The following DNM1 variants were observed in gnomAD, a reference collection of about 807,000 sequenced individuals.
The protein encoded by DNM1 is dynamin 1.
Under a neutral mutation model 104.6 loss-of-function variants are expected in DNM1, and 29 were observed. The observed-to-expected ratio is 0.28, with a 90% CI of 0.21 to 0.38. DNM1 has a LOEUF of 0.38. DNM1 is among the 10% of genes least tolerant of loss of function. DNM1 has a pLI of 1.00. For missense variants in DNM1, 640 were observed against 1,189.4 expected (o/e 0.54, Z 6.79); for synonymous variants, 445 against 475.8 (o/e 0.94, Z 0.84).
Position 128,220,735 on chromosome 9 carries a change from G to A in DNM1, c.849+394G>A, listed in dbSNP as rs1374942285. On this transcript the variant is annotated intron_variant, in intron 6 of 21. Coordinates refer to ENST00000372923, the MANE Select transcript of DNM1 (RefSeq NM_004408.4). This position sits in a 1 kb window ranked among gnomAD's most constrained non-coding sequence, Gnocchi z 5.2. ...GGGCATCCAGAACTGAAGTGCGCGCGCGCGCGCGTGTGTGTGTGTGTGTGT... is the reference window on the plus strand; with the variant it reads ...GGGCATCCAGAACTGAAGTGCGCGCACGCGCGCGTGTGTGTGTGTGTGTGT... Among the ~76,000 whole-genome samples, 1 of 140,858 alleles carries A rather than the reference G, an allele frequency of 7.1e-6. No individual in the cohort carries two copies. The highest frequency in any genetic ancestry group is 2.2e-4 in the East Asian group (1 of 4,450). The allele number at this position is 140,858 out of a possible 152,430, so 92.4% of individuals were successfully genotyped here. A position where few individuals can be genotyped will look rare whatever the true frequency, so the allele number is the denominator to read the frequency against.
At chr9:128,206,924 G>A (rs1834004839) in intron 1 of DNM1, among the ~76,000 whole-genome samples, 1 of 152,102 alleles carries the variant, frequency 6.6e-6, no homozygotes, top group Non-Finnish European at 1.5e-5. Context: ...GGAGACTGGT[G>A]GGGAGGCTGC....
At chr9:128,236,363 A>C (rs1419378667) in intron 11 of DNM1, among the ~76,000 whole-genome samples, 2 of 152,122 alleles carry the variant, frequency 1.3e-5, no homozygotes, top group Admixed American at 6.6e-5. Flanking sequence ...TCTCTCCATG[A>C]TGCTGCCATC....
intron 10 of DNM1, among the ~76,000 whole-genome samples, chr9:128,231,125 G>GA (rs1327834764): frequency 7.1e-6 from 1 of 140,806 alleles, no homozygotes; most frequent in Non-Finnish European, 1.5e-5. Context: ...TTTATGAGCA[G>GA]AAAAAACTGA....
chr9:128,234,120 G>A lies in DNM1; in HGVS notation c.1422+13G>A, dbSNP rs1261675748. On this transcript the variant is annotated intron_variant, in intron 11 of 21. Transcript: ENST00000372923. ...CACTAAGGAGCAGGTGAGCCCCGCAGCACCCGGCCTGGCCGCGCCTTCCTT... is the reference window on the plus strand; with the variant it reads ...CACTAAGGAGCAGGTGAGCCCCGCAACACCCGGCCTGGCCGCGCCTTCCTT... 10 of 1,523,270 alleles carry A rather than the reference G, an allele frequency of 6.6e-6. No individual in the cohort carries two copies. The highest frequency in any genetic ancestry group is 1.4e-5 in the African/African-American group (1 of 72,234). The allele number at this position is 1,523,270 out of a possible 1,614,324, so 94.4% of individuals were successfully genotyped here.
intron 19 of DNM1, among the ~76,000 whole-genome samples, chr9:128,249,364 T>C (rs1349374382): frequency 6.6e-6 from 1 of 150,614 alleles, no homozygotes; most frequent in Non-Finnish European, 1.5e-5. Flanking sequence ...TTTTAAAGAA[T>C]AGCGGGGGTT....
intron 15 of DNM1, chr9:128,244,869 T>C: frequency 2.0e-6 from 1 of 497,938 alleles, no homozygotes; most frequent in Non-Finnish European, 4.2e-6. Flanking sequence ...CGGTGGGCGC[T>C]TCAGCCCCAT....
intron 10 of DNM1, among the ~76,000 whole-genome samples, chr9:128,225,370 A>T (rs1260770964): frequency 6.6e-6 from 1 of 152,168 alleles, no homozygotes; most frequent in Non-Finnish European, 1.5e-5. Flanking sequence ...GGACTAGAGC[A>T]GGGAGCTGGA....
rs1295310402 is a variant in DNM1, at chr9:128,250,707, G to T, written c.2319-18G>T. 2.1e-6 allele frequency: 3 copies of T among 1,458,198 alleles called. No individual in the cohort carries two copies. Among genetic ancestry groups the T allele is most frequent in the African/African-American group, 1.5e-5 (1 of 67,684 alleles). The allele number at this position is 1,458,198 out of a possible 1,614,324, so 90.3% of individuals were successfully genotyped here. On this transcript the variant is annotated intron_variant, in intron 20 of 21. Coordinates refer to ENST00000372923, the MANE Select transcript of DNM1 (RefSeq NM_004408.4). Reference sequence around the variant, plus strand: ...CTCATCTCGCCTCTCCTTGTTCCTCGCTCCCTGTCGCCCTCAGGTCGCCCA... The same window carrying T: ...CTCATCTCGCCTCTCCTTGTTCCTCTCTCCCTGTCGCCCTCAGGTCGCCCA...
intron 15 of DNM1, among the ~76,000 whole-genome samples, chr9:128,242,832 G>A (rs1447912402): frequency 6.6e-6 from 1 of 152,180 alleles, no homozygotes; most frequent in Admixed American, 6.5e-5. Context: ...TTCAGGGGGA[G>A]GCACCCTCTC....
At chr9:128,232,895 C>T (rs1265657603) in intron 10 of DNM1, among the ~76,000 whole-genome samples, 1 of 152,260 alleles carries the variant, frequency 6.6e-6, no homozygotes, top group African/African-American at 2.4e-5. Context: ...AACACGCCCT[C>T]TTCCAGCACT....
Position 128,254,957 on chromosome 9 carries a change from T to C in DNM1, c.*243T>C. On this transcript the variant is annotated 3_prime_UTR_variant, in exon 22 of 22. Transcript: ENST00000372923. The surrounding 1 kb of genome is among the most constrained non-coding windows in gnomAD (Gnocchi z 6.1). ...ACTCATATATATACACACCTACACA[T>C]GGCCAACCGCCTCGCCTCTAGCGCT... 2.4e-6 allele frequency: 1 copy of C among 421,294 alleles called. No homozygotes were observed. The highest frequency in any genetic ancestry group is 4.2e-6 in the Non-Finnish European group (1 of 238,518). The allele number at this position is 421,294 out of a possible 1,614,324, so 26.1% of individuals were successfully genotyped here. A position where few individuals can be genotyped will look rare whatever the true frequency, so the allele number is the denominator to read the frequency against.
Position 128,246,470 on chromosome 9 carries a change from A to G in DNM1, c.1748A>G (p.Lys583Arg), listed in dbSNP as rs1836819731. ...GTGGAGAAGGGCTTTATGTCGAGCA[A>G]GCATATCTTTGCCCTCTTTAACACG... The part of the protein sequence containing the change: ...RDVEKGFMSS[K>R]HIFALFNTEQ... Residue 583 changes from lysine to arginine, a missense_variant, in exon 16 of 22, where the codon AAG becomes AGG. This residue lies in a region of DNM1 where 91 missense variants were observed against 256.3 expected (regional missense o/e 0.36). Transcript: ENST00000372923. 1 of 1,614,096 alleles carries G rather than the reference A, an allele frequency of 6.2e-7. No homozygotes were observed. Among genetic ancestry groups the G allele is most frequent in the Non-Finnish European group, 8.5e-7 (1 of 1,179,980 alleles).
intron 11 of DNM1, among the ~76,000 whole-genome samples, chr9:128,238,718 C>T (rs1233996495): frequency 6.7e-6 from 1 of 150,060 alleles, no homozygotes; most frequent in Non-Finnish European, 1.5e-5. Flanking sequence ...TGCAGTGGTG[C>T]CATCTCAGCT....
rs1588351494 is a variant in DNM1 at position 128,218,927 on chromosome 9, T to C, written c.386-122T>C. The C allele has an allele frequency of 3.0e-6, 4 of 1,319,306 alleles. No individual in the cohort carries two copies. In the East Asian group the frequency reaches 1.0e-4, roughly 33 times the overall value. 81.7% of individuals were successfully genotyped at this position (1,319,306 alleles called of 1,614,324 possible). On this transcript the variant is annotated intron_variant, in intron 3 of 21. Transcript: ENST00000372923. This position sits in a 1 kb window ranked among gnomAD's most constrained non-coding sequence, Gnocchi z 4.8. ...CAGACTGCCACTTTCGCCCTGAGAT[T>C]TCCTAGTCCCACCCACCTGCCACCC...
chr9:128,247,362 C>G lies in DNM1; in HGVS notation c.1782-13C>G. On this transcript the variant is annotated splice_polypyrimidine_tract_variant and intron_variant, in intron 16 of 21. Transcript: ENST00000372923. The surrounding 1 kb of genome is among the most constrained non-coding windows in gnomAD (Gnocchi z 5.1). ...TTTGCCCATCTGCCCTCACTGCCTG[C>G]CCTATCTTGCAGGAATGTCTACAAG... 6.3e-7 allele frequency: 1 copy of G among 1,592,800 alleles called. No individual in the cohort carries two copies. The highest frequency in any genetic ancestry group is 8.6e-7 in the Non-Finnish European group (1 of 1,162,824).
At position 128,215,147 on chromosome 9, in the gene DNM1, C is replaced by T. The variant is rs367921775; in HGVS notation, c.162-3084C>T. Among the ~76,000 whole-genome samples the T allele has an allele frequency of 2.0e-4, 30 of 152,312 alleles. No homozygotes were observed. The East Asian group carries it at 4.3e-3, about 22-fold the overall frequency. The stretch of plus-strand genomic sequence containing the variant: ...TGGTCCTCCCCACTGTCAGTCCAGA[C>T]GTGAGACTGGGAAGCAGACCTCTCG... On this transcript the variant is annotated intron_variant, in intron 1 of 21. Transcript: ENST00000372923.
In DNM1 at chr9:128,237,768, A is replaced by ATTGT. The variant is rs369253130; in HGVS notation, c.1423-1658_1423-1655dup. Among the ~76,000 whole-genome samples the ATTGT allele has an allele frequency of 7.4e-3, 1,124 of 151,856 alleles. 13 individuals are homozygous for ATTGT. The highest frequency in any genetic ancestry group is 0.026 in the African/African-American group (1,057 of 41,420). On this transcript the variant is annotated intron_variant, in intron 11 of 21. Transcript: ENST00000372923. ...TACAATTCTGGAAGTGAATATGTGC[A>ATTGT]TTGTTTGTTTGTTTGTTTGTTTTGA...
rs1829477337 is a variant in DNM1 at position 128,250,891 on chromosome 9, C to T, written c.2485C>T (p.Pro829Ser). Residue 829 changes from proline to serine, a missense_variant, in exon 21 of 22, where the codon CCC becomes TCC. By Grantham distance (74) the Pro-to-Ser change is moderately conservative. Transcript: ENST00000372923. ...GGCTTCCCCTGACCCTTTCGGCCCT[C>T]CCCCTCAGGTGCCCTCGCGCCCCAA... The part of the protein sequence containing the change: ...PGASPDPFGP[P>S]PQVPSRPNRA... The T allele has an allele frequency of 2.9e-6, 4 of 1,364,410 alleles. No homozygotes were observed. Among genetic ancestry groups the T allele is most frequent in the East Asian group, 2.9e-5 (1 of 33,956 alleles). 84.5% of individuals were successfully genotyped at this position (1,364,410 alleles called of 1,614,324 possible). A position where few individuals can be genotyped will look rare whatever the true frequency, so the allele number is the denominator to read the frequency against.
At chr9:128,211,053 G>GC (rs941901709) in intron 1 of DNM1, among the ~76,000 whole-genome samples, 2 of 152,072 alleles carry the variant, frequency 1.3e-5, no homozygotes, top group African/African-American at 2.4e-5. Flanking sequence ...CTGGCCAGAG[G>GC]CCCCAAGATC....
Sources: allele counts gnomAD v4.1 joint callset (sites outside exome capture counted in the v4.1 genomes callset), GRCh38; gene constraint gnomAD v4.1.1; regional missense constraint gnomAD v4.1.1; non-coding constraint Gnocchi (gnomAD v3.1); transcripts MANE v1.5; gene names NCBI Gene and HGNC (gene_info 2026-07-23, HGNC 2026-07-21).